Variants in HLA-DMB observed in about 807,000 individuals in gnomAD.
The protein encoded by HLA-DMB is HLA class II histocompatibility antigen, DM beta chain.
In HLA-DMB, 18 loss-of-function variants were observed where a neutral mutation model predicts 29.3. The ratio of observed to expected loss-of-function variants is 0.62; its 90% confidence interval spans 0.43 to 0.91. The LOEUF (loss-of-function observed/expected upper bound fraction) is 0.91, where lower values mean the gene tolerates loss of function less well. Among genes scored for constraint, HLA-DMB ranks in the 40% least tolerant of loss-of-function variants. HLA-DMB has a pLI of 0.00. For missense variants in HLA-DMB, 258 were observed against 320.9 expected (o/e 0.80, Z 1.50); for synonymous variants, 143 against 128.7 (o/e 1.11, Z -0.75).
At position 32,940,973 on chromosome 6, in the gene HLA-DMB, G is replaced by A. The variant is rs1776328390; in HGVS notation, c.-166C>T. ...CTTGACCCCCCAAATGAGTGATGTG[G>A]GGATACCCAGCCCCTAGATATTAAA... On this transcript the variant is annotated 5_prime_UTR_variant, in exon 1 of 6. Transcript: ENST00000418107. The A allele has an allele frequency of 5.4e-6, 3 of 553,368 alleles. No homozygotes were observed. Among genetic ancestry groups the A allele is most frequent in the Admixed American group, 3.0e-5 (1 of 33,368 alleles). 34.3% of individuals were successfully genotyped at this position (553,368 alleles called of 1,614,324 possible). A position where few individuals can be genotyped will look rare whatever the true frequency, so the allele number is the denominator to read the frequency against.
intron 1 of HLA-DMB, among the ~76,000 whole-genome samples, chr6:32,939,906 T>C (rs141859136): frequency 6.6e-6 from 1 of 152,238 alleles, no homozygotes; most frequent in African/African-American, 2.4e-5. Flanking sequence ...CTACTACTTG[T>C]GATTGGTGTC....
Position 32,940,951 on chromosome 6 carries a change from G to A in HLA-DMB, c.-144C>T. On this transcript the variant is annotated 5_prime_UTR_variant, in exon 1 of 6. Transcript: ENST00000418107. ...GAATACTATATTGCCCGGGTCCCTTGACCCCCCAAATGAGTGATGTGGGGA... is the reference window on the plus strand; with the variant it reads ...GAATACTATATTGCCCGGGTCCCTTAACCCCCCAAATGAGTGATGTGGGGA... 3.4e-6 allele frequency: 2 copies of A among 587,580 alleles called. No individual in the cohort carries two copies. The highest frequency in any genetic ancestry group is 2.2e-5 in the South Asian group (1 of 45,684). The allele number at this position is 587,580 out of a possible 1,614,324, so 36.4% of individuals were successfully genotyped here. A position where few individuals can be genotyped will look rare whatever the true frequency, so the allele number is the denominator to read the frequency against.
chr6:32,937,729 C>T lies in HLA-DMB; in HGVS notation c.338-273G>A. 1 of 507,586 alleles carries T rather than the reference C, an allele frequency of 2.0e-6. No homozygotes were observed. Among genetic ancestry groups the T allele is most frequent in the South Asian group, 3.1e-5 (1 of 32,344 alleles). The allele number at this position is 507,586 out of a possible 1,614,324, so 31.4% of individuals were successfully genotyped here. ...GTAAAAGCCAGATCTGAACTGCAAGCTGTTCTAGAAGTTGTTGTATTTATT... is the reference window on the plus strand; with the variant it reads ...GTAAAAGCCAGATCTGAACTGCAAGTTGTTCTAGAAGTTGTTGTATTTATT... On this transcript the variant is annotated intron_variant, in intron 2 of 5. Transcript: ENST00000418107. This position sits in a 1 kb window ranked among gnomAD's most constrained non-coding sequence, Gnocchi z 4.1.
In HLA-DMB at chr6:32,937,198, G is replaced by T. The variant is rs1776056346; in HGVS notation, c.596C>A (p.Ala199Asp). The T allele has an allele frequency of 6.2e-7, 1 of 1,602,856 alleles. No individual in the cohort carries two copies. Among genetic ancestry groups the T allele is most frequent in the Non-Finnish European group, 8.5e-7 (1 of 1,172,046 alleles). The change falls in exon 3 of 6, where the codon GCT (alanine) becomes GAT (aspartate). Residue 199 changes from alanine (A) to aspartate (D), a missense_variant. Physicochemically the swap from Ala to Asp is moderately radical, Grantham distance 126. Coordinates refer to ENST00000418107, the MANE Select transcript of HLA-DMB (RefSeq NM_002118.5). This position sits in a 1 kb window ranked among gnomAD's most constrained non-coding sequence, Gnocchi z 4.1. ...CCAGTCCCGAAGGATGGGCTCAGGA[G>T]CCCCAGTGTGCTCTACCACACAGGT... ...TYTCVVEHTG[A>D]PEPILRDWTP...
intron 5 of HLA-DMB, 102 bp from the exon 6 acceptor site, chr6:32,935,089 C>A (rs1775924394): frequency 7.5e-7 from 1 of 1,339,450 alleles, no homozygotes; most frequent in Admixed American, 1.8e-5. Flanking sequence ...ATACTGAAAA[C>A]TCCAGGGCAC....
At position 32,934,866 on chromosome 6, in the gene HLA-DMB, G is replaced by C. The variant is rs2127466337; in HGVS notation, c.*105C>G. On this transcript the variant is annotated 3_prime_UTR_variant, in exon 6 of 6. Transcript: ENST00000418107. ...CAAAGAATTGGATGGAGAAACCATA[G>C]GATCCAAGATAATGTCAGGGGGTTG... The C allele has an allele frequency of 8.6e-7, 1 of 1,169,042 alleles. No individual in the cohort carries two copies. The highest frequency in any genetic ancestry group is 1.3e-6 in the Non-Finnish European group (1 of 786,232). The allele number at this position is 1,169,042 out of a possible 1,614,324, so 72.4% of individuals were successfully genotyped here.
rs1445566133 is a variant in HLA-DMB, at chr6:32,937,386, A to C, written c.408T>G (p.Tyr136Ter). 1 of 1,614,194 alleles carries C rather than the reference A, an allele frequency of 6.2e-7. No homozygotes were observed. Among genetic ancestry groups the C allele is most frequent in the South Asian group, 1.1e-5 (1 of 91,080 alleles). ...CTTCTGCTGGATAGAAGCCCCACAC[A>C]TAGCAGGCCAGCATCACAGGCTCCC... ...NTREPVMLAC[Y>*]VWGFYPAEVT... The change falls in exon 3 of 6, where the codon TAT becomes TAG. Residue 136 changes from tyrosine to a stop codon, truncating the protein, a stop_gained. Coordinates refer to ENST00000418107, the MANE Select transcript of HLA-DMB (RefSeq NM_002118.5). LOFTEE classifies it high-confidence loss of function. The surrounding 1 kb of genome is among the most constrained non-coding windows in gnomAD (Gnocchi z 4.1).
chr6:32,939,182 T>A (rs1776202108), intron 1 of HLA-DMB, among the ~76,000 whole-genome samples: 1 of 152,216 alleles, frequency 6.6e-6, no homozygotes, highest in Admixed American at 6.5e-5. Context: ...GTGTCTTTTG[T>A]TCTAATGAGG....
chr6:32,935,277 C>T, intron 5 of HLA-DMB, 65 bp downstream of exon 5: 1 of 1,299,266 alleles, frequency 7.7e-7, no homozygotes, highest in Non-Finnish European at 1.1e-6. Context: ...GAACCCAACA[C>T]TGACCCCTCT....
intron 5 of HLA-DMB, 27 bp from the exon 6 acceptor site, chr6:32,935,014 T>G: frequency 6.2e-7 from 1 of 1,612,490 alleles, no homozygotes; most frequent in Non-Finnish European, 8.5e-7. Flanking sequence ...AGGGAGATAA[T>G]GAGGCTTCAA....
chr6:32,938,916 C>A lies in HLA-DMB; in HGVS notation c.105G>T (p.Gly35=). 1 of 1,605,264 alleles carries A rather than the reference C, an allele frequency of 6.2e-7. No individual in the cohort carries two copies. The highest frequency in any genetic ancestry group is 8.5e-7 in the Non-Finnish European group (1 of 1,176,372). ...TGCAGTATGTGAAATCCTTTGGAGT[C>A]CCAGCATCATCCAACAGACAGGTGC... is the stretch of plus-strand genomic sequence containing the variant. The part of the protein sequence containing the change: ...VESTCLLDDA[G]TPKDFTYCIS... The change falls in exon 2 of 6, where the codon GGG becomes GGT. Residue 35 remains glycine, a synonymous_variant. Transcript: ENST00000418107.
In HLA-DMB at chr6:32,937,072, C is replaced by T. The variant is rs1364499628; in HGVS notation, c.622+100G>A. ...CCCGTAAGTTCCTCCAGACTCAGTC[C>T]CCATTTTCAGCACTTCGCTGTCTAC... On this transcript the variant is annotated intron_variant, in intron 3 of 5. Transcript: ENST00000418107. This position sits in a 1 kb window ranked among gnomAD's most constrained non-coding sequence, Gnocchi z 4.1. 4.0e-6 allele frequency: 4 copies of T among 1,004,324 alleles called. No individual in the cohort carries two copies. The highest frequency in any genetic ancestry group is 5.7e-6 in the Non-Finnish European group (4 of 707,868). 62.2% of individuals were successfully genotyped at this position (1,004,324 alleles called of 1,614,324 possible). A position where few individuals can be genotyped will look rare whatever the true frequency, so the allele number is the denominator to read the frequency against.
chr6:32,938,866 G>C lies in HLA-DMB; in HGVS notation c.155C>G (p.Thr52Ser), dbSNP rs771667092. The C allele has an allele frequency of 1.2e-6, 2 of 1,612,430 alleles. No individual in the cohort carries two copies. Among genetic ancestry groups the C allele is most frequent in the Non-Finnish European group, 8.5e-7 (1 of 1,179,792 alleles). Residue 52 changes from threonine (T) to serine (S), a missense_variant, in exon 2 of 6, where the codon ACC becomes AGC. By Grantham distance (58) the Thr-to-Ser change is moderately conservative (BLOSUM62 1). Coordinates refer to ENST00000418107, the MANE Select transcript of HLA-DMB (RefSeq NM_002118.5). ...CTTATTCTCCTCTGGATCCCAGCAG[G>C]TCAGCAGATCCTTGTTGAAGGAGAT... ...YCISFNKDLL[T>S]CWDPEENKMA...
chr6:32,935,034 C>T, intron 5 of HLA-DMB, 47 bp from the exon 6 acceptor site: 3 of 1,608,886 alleles, frequency 1.9e-6, no homozygotes, highest in Non-Finnish European at 2.5e-6. Flanking sequence ...ACCCAACTTG[C>T]CCCCATCGTT....
At position 32,937,593 on chromosome 6, in the gene HLA-DMB, C is replaced by G; in HGVS notation, c.338-137G>C. The G allele has an allele frequency of 1.4e-6, 1 of 698,668 alleles. No homozygotes were observed. Among genetic ancestry groups the G allele is most frequent in the Non-Finnish European group, 2.4e-6 (1 of 415,154 alleles). 43.3% of individuals were successfully genotyped at this position (698,668 alleles called of 1,614,324 possible). A position where few individuals can be genotyped will look rare whatever the true frequency, so the allele number is the denominator to read the frequency against. ...CCCCAGCCCCCTCTGCCATGCTGCC[C>G]CTTGAAGGGGAACCGTTAGAATGTA... On this transcript the variant is annotated intron_variant, in intron 2 of 5. Transcript: ENST00000418107. The surrounding 1 kb of genome is among the most constrained non-coding windows in gnomAD (Gnocchi z 4.1).
At chr6:32,939,670 A>ATC (rs1776231985) in intron 1 of HLA-DMB, among the ~76,000 whole-genome samples, 1 of 152,204 alleles carries the variant, frequency 6.6e-6, no homozygotes. Context: ...TGATGATCTG[A>ATC]TCTGATCACT....
At chr6:32,936,104 T>G in intron 3 of HLA-DMB, 1 of 171,804 alleles carries the variant, frequency 5.8e-6, no homozygotes, top group Non-Finnish European at 1.3e-5. Flanking sequence ...CTGTGAGTTA[T>G]CCTACTACTT....
intron 5 of HLA-DMB, 157 bp from the exon 6 acceptor site, chr6:32,935,144 A>G (rs922478142): frequency 6.8e-6 from 6 of 883,804 alleles, no homozygotes; most frequent in Non-Finnish European, 1.1e-5. Context: ...CTCTCCACAG[A>G]CATCCCACTT....
In HLA-DMB at chr6:32,937,534, G is replaced by T. The variant is rs766072463; in HGVS notation, c.338-78C>A. On this transcript the variant is annotated intron_variant, in intron 2 of 5. Transcript: ENST00000418107. This position sits in a 1 kb window ranked among gnomAD's most constrained non-coding sequence, Gnocchi z 4.1. ...TCCTCAACCTGGTTTCTTCCCTATC[G>T]CAACTCTTCGTAGATTTTGCAACCC... 15 of 1,431,270 alleles carry T rather than the reference G, an allele frequency of 1.0e-5. No homozygotes were observed. The highest frequency in any genetic ancestry group is 1.4e-5 in the Non-Finnish European group (15 of 1,041,952). The allele number at this position is 1,431,270 out of a possible 1,614,324, so 88.7% of individuals were successfully genotyped here.
Sources: allele counts gnomAD v4.1 joint callset (sites outside exome capture counted in the v4.1 genomes callset), GRCh38; gene constraint gnomAD v4.1.1; non-coding constraint Gnocchi (gnomAD v3.1); transcripts MANE v1.5; gene names NCBI Gene and HGNC (gene_info 2026-07-23, HGNC 2026-07-21).